Variants in ARHGEF26 observed in about 807,000 individuals in gnomAD.
ARHGEF26 encodes Rho guanine nucleotide exchange factor 26, also known as Rho guanine nucleotide exchange factor (GEF) 26.
ARHGEF26 carries 59 observed loss-of-function variants against 89.4 expected under a neutral mutation model. The ratio of observed to expected loss-of-function variants is 0.66; its 90% CI spans 0.54 to 0.82. The LOEUF (loss-of-function observed/expected upper bound fraction) is 0.82. Ranked by LOEUF, ARHGEF26 falls within the 40% of genes least tolerant of loss-of-function variation. ARHGEF26 has a pLI of 0.00. For synonymous variants in ARHGEF26, 500 were observed against 428.4 expected (o/e 1.17, Z -2.06); for missense variants, 1,234 against 1,085.6 (o/e 1.14, Z -1.92).
rs1717336196 is a variant in ARHGEF26, at chr3:154,239,295, AGAGAGTGTGT to A, written c.2091-1073_2091-1064del. ...GAGAGAGAGAGAGAGAGAGAGAGAG[AGAGAGTGTGT>A]GTGTGTGTGTGTGTGTGTGTGTGTG... On this transcript the variant is annotated intron_variant, in intron 11 of 14. Coordinates refer to ENST00000465093, the MANE Select transcript of ARHGEF26 (RefSeq NM_015595.4). 3.7e-4 allele frequency among the ~76,000 whole-genome samples: 22 copies of A among 58,764 alleles called. No individual in the cohort carries two copies. In the South Asian group the frequency reaches 0.018, roughly 48 times the overall value. 38.6% of individuals were successfully genotyped at this position (58,764 alleles called of 152,430 possible). A position where few individuals can be genotyped will look rare whatever the true frequency, so the allele number is the denominator to read the frequency against.
intron 6 of ARHGEF26, among the ~76,000 whole-genome samples, chr3:154,163,452 G>A (rs2108122034): frequency 6.6e-6 from 1 of 152,190 alleles, no homozygotes; most frequent in East Asian, 1.9e-4. Flanking sequence ...GGCATAGACT[G>A]TTTGTTCAAA....
intron 11 of ARHGEF26, among the ~76,000 whole-genome samples, chr3:154,235,407 T>G (rs1717062840): frequency 6.6e-6 from 1 of 152,188 alleles, no homozygotes; most frequent in East Asian, 1.9e-4. Context: ...TAACTGGGTG[T>G]TATTCATATA....
intron 9 of ARHGEF26, among the ~76,000 whole-genome samples, chr3:154,212,906 C>G (rs1715468077): frequency 6.6e-6 from 1 of 152,122 alleles, no homozygotes; most frequent in African/African-American, 2.4e-5. Flanking sequence ...ATTTAACATT[C>G]TAAGTTGTGC....
intron 9 of ARHGEF26, among the ~76,000 whole-genome samples, chr3:154,214,419 GC>G (rs988982099): frequency 2.0e-5 from 3 of 152,160 alleles, no homozygotes; most frequent in Non-Finnish European, 2.9e-5. Context: ...CAGCAGGACA[GC>G]ATCATTAAGG....
intron 10 of ARHGEF26, among the ~76,000 whole-genome samples, chr3:154,221,333 A>C (rs779415982): frequency 6.6e-6 from 1 of 152,174 alleles, no homozygotes; most frequent in Non-Finnish European, 1.5e-5. Flanking sequence ...TTGATACCCC[A>C]TTTTATTGAT....
intron 11 of ARHGEF26, among the ~76,000 whole-genome samples, chr3:154,234,953 G>A (rs930023857): frequency 2.0e-5 from 3 of 151,994 alleles, no homozygotes; most frequent in Admixed American, 6.5e-5. Context: ...TTTTAGAGAC[G>A]GGGTTTCACC....
intron 6 of ARHGEF26, among the ~76,000 whole-genome samples, chr3:154,182,890 G>T (rs1232549773): frequency 6.6e-6 from 1 of 152,126 alleles, no homozygotes; most frequent in Non-Finnish European, 1.5e-5. Context: ...CCTCAAAAAT[G>T]TAGTGCCACA....
At chr3:154,214,680 A>G (rs1477735353) in intron 9 of ARHGEF26, among the ~76,000 whole-genome samples, 1 of 152,192 alleles carries the variant, frequency 6.6e-6, no homozygotes. Flanking sequence ...GTCTGGGAAC[A>G]TAGATTTGGG....
At chr3:154,166,786 C>T (rs1338984807) in intron 6 of ARHGEF26, among the ~76,000 whole-genome samples, 6 of 152,036 alleles carry the variant, frequency 3.9e-5, no homozygotes, top group East Asian at 3.9e-4. Flanking sequence ...TGAGAGGGTC[C>T]GCCTACAACC....
At chr3:154,251,108 C>A (rs556427395) in intron 12 of ARHGEF26, among the ~76,000 whole-genome samples, 2 of 152,232 alleles carry the variant, frequency 1.3e-5, no homozygotes, top group East Asian at 3.9e-4. Flanking sequence ...TTCAAGATAC[C>A]ACAGTTTCCA....
chr3:154,219,090 G>A (rs528469287), intron 10 of ARHGEF26, among the ~76,000 whole-genome samples: 1 of 152,264 alleles, frequency 6.6e-6, no homozygotes, highest in East Asian at 1.9e-4. Flanking sequence ...TAATGTTCTT[G>A]TACAGAATTT....
At position 154,163,698 on chromosome 3, in the gene ARHGEF26, G is replaced by A. The variant is rs1281740378; in HGVS notation, c.1487+10766G>A. Among the ~76,000 whole-genome samples, 3 of 152,176 alleles carry A rather than the reference G, an allele frequency of 2.0e-5. No individual in the cohort carries two copies. In the East Asian group the frequency reaches 5.8e-4, roughly 29 times the overall value. ...AGCAAAGAGCATCTTGTTTTCTGTG[G>A]CACAGCTCTGTGGCACATCATAAAG... On this transcript the variant is annotated intron_variant, in intron 6 of 14. Transcript: ENST00000465093.
chr3:154,150,732 C>G (rs911508242), intron 5 of ARHGEF26, among the ~76,000 whole-genome samples: 1 of 152,084 alleles, frequency 6.6e-6, no homozygotes, highest in African/African-American at 2.4e-5. Flanking sequence ...AAAAGCTCCT[C>G]CAAGATATTA....
intron 7 of ARHGEF26, among the ~76,000 whole-genome samples, chr3:154,189,617 G>A (rs1019898773): frequency 4.6e-5 from 7 of 152,160 alleles, no homozygotes; most frequent in East Asian, 1.9e-4. Context: ...GATTACACGC[G>A]TAAGCCACTG....
At chr3:154,155,255 T>C (rs1720261207) in intron 6 of ARHGEF26, among the ~76,000 whole-genome samples, 1 of 152,094 alleles carries the variant, frequency 6.6e-6, no homozygotes, top group Non-Finnish European at 1.5e-5. Flanking sequence ...AATATTCCTC[T>C]ATGATGTTGG....
chr3:154,160,892 T>C (rs1420893667), intron 6 of ARHGEF26, among the ~76,000 whole-genome samples: 1 of 152,048 alleles, frequency 6.6e-6, no homozygotes, highest in African/African-American at 2.4e-5. Context: ...GTTTGAGAAG[T>C]AGTCAGATCC....
intron 6 of ARHGEF26, among the ~76,000 whole-genome samples, chr3:154,159,648 G>T (rs944805690): frequency 2.0e-5 from 3 of 151,962 alleles, no homozygotes; most frequent in Non-Finnish European, 2.9e-5. Flanking sequence ...TTTATGAAAT[G>T]AGTTCATATT....
At chr3:154,123,884 C>T (rs1718156856) in intron 2 of ARHGEF26, among the ~76,000 whole-genome samples, 1 of 148,276 alleles carries the variant, frequency 6.7e-6, no homozygotes, top group African/African-American at 2.5e-5. Context: ...TGTGTGCTTC[C>T]TTCCACAGAA....
intron 9 of ARHGEF26, among the ~76,000 whole-genome samples, chr3:154,198,237 G>T (rs1401350153): frequency 6.6e-6 from 1 of 152,094 alleles, no homozygotes; most frequent in Non-Finnish European, 1.5e-5. Flanking sequence ...GTAGATGTTG[G>T]CATGGATGTG....
Sources: gnomAD v4.1 joint callset for allele counts (sites outside exome capture counted in the v4.1 genomes callset) on GRCh38, gnomAD v4.1.1 for gene constraint, MANE v1.5 for transcripts, NCBI Gene and HGNC (gene_info 2026-07-23, HGNC 2026-07-21) for gene names.